The following UNC13C variants were observed in gnomAD, a reference collection of about 807,000 sequenced individuals.
UNC13C encodes the protein protein unc-13 homolog C.
UNC13C carries 174 observed loss-of-function variants against 245.4 expected under a neutral mutation model. The ratio of observed to expected loss-of-function variants is 0.71; its 90% CI spans 0.63 to 0.80. UNC13C has a LOEUF of 0.80. Ranked by LOEUF, UNC13C falls within the 30% of genes least tolerant of loss-of-function variation. The probability of loss-of-function intolerance (pLI) is 0.00; values close to 1 mark genes in which losing one functional copy is unlikely to be tolerated. For missense variants in UNC13C, 2,829 were observed against 2,602.9 expected (o/e 1.09, Z -1.89); for synonymous variants, 992 against 895.1 (o/e 1.11, Z -1.93).
intron 13 of UNC13C, among the ~76,000 whole-genome samples, chr15:54,310,951 T>C (rs570345051): frequency 6.6e-6 from 1 of 151,854 alleles, no homozygotes; most frequent in African/African-American, 2.4e-5. Flanking sequence ...TACATACTAC[T>C]ACCACCTTTA....
chr15:53,961,725 C>T, the UNC13C span, among the ~76,000 whole-genome samples: 1 of 152,202 alleles, frequency 6.6e-6, no homozygotes, highest in Non-Finnish European at 1.5e-5. Context: ...TGTAACAACA[C>T]AGACATTCCT....
At chr15:53,923,878 T>C in the UNC13C span, among the ~76,000 whole-genome samples, 1 of 152,206 alleles carries the variant, frequency 6.6e-6, no homozygotes, top group African/African-American at 2.4e-5. Context: ...AGGTTCTAAG[T>C]TGATTAATCC....
chr15:54,186,856 T>TATATATATATATATATATATATATATATA (rs1567079918), intron 4 of UNC13C, among the ~76,000 whole-genome samples: 90 of 120,064 alleles, frequency 7.5e-4, no homozygotes, highest in Non-Finnish European at 1.1e-3. Context: ...TATATATATA[T>TATATATATATATATATATATATATATATA]TTTGTTTTTT....
chr15:54,542,332 G>T (rs182266392), intron 26 of UNC13C, among the ~76,000 whole-genome samples: 1 of 152,234 alleles, frequency 6.6e-6, no homozygotes, highest in East Asian at 1.9e-4. Context: ...TTAATCCTGA[G>T]TTCTAATTTG....
intron 14 of UNC13C, among the ~76,000 whole-genome samples, chr15:54,322,540 C>T (rs1296754896): frequency 6.6e-6 from 1 of 151,958 alleles, no homozygotes; most frequent in Non-Finnish European, 1.5e-5. Context: ...GGCACATCCT[C>T]TAAGTAAAAC....
chr15:54,224,177 A>T (rs2140793030), intron 4 of UNC13C, among the ~76,000 whole-genome samples: 1 of 152,156 alleles, frequency 6.6e-6, no homozygotes, highest in Admixed American at 6.5e-5. Flanking sequence ...ACGTTGAATA[A>T]CCGTGGTGAC....
chr15:53,890,024 T>A, the UNC13C span, among the ~76,000 whole-genome samples: 3 of 152,202 alleles, frequency 2.0e-5, no homozygotes, highest in Non-Finnish European at 4.4e-5. Flanking sequence ...CTTTTTTTGT[T>A]GTGTCTCTGC....
intron 2 of UNC13C, among the ~76,000 whole-genome samples, chr15:54,067,063 T>G (rs942006271): frequency 6.6e-6 from 1 of 152,192 alleles, no homozygotes; most frequent in Non-Finnish European, 1.5e-5. Context: ...GCTGATATTT[T>G]TTAATGTAAA....
intron 2 of UNC13C, chr15:54,050,650 C>T: frequency 2.1e-6 from 1 of 472,228 alleles, no homozygotes; most frequent in Non-Finnish European, 4.2e-6. Flanking sequence ...AAGCTTTCTG[C>T]TTGAATTTGT....
At chr15:54,284,207 A>G (rs1333565746) in intron 10 of UNC13C, among the ~76,000 whole-genome samples, 1 of 152,216 alleles carries the variant, frequency 6.6e-6, no homozygotes, top group Non-Finnish European at 1.5e-5. Context: ...AAAATATCAA[A>G]TAAATATCAA....
intron 2 of UNC13C, among the ~76,000 whole-genome samples, chr15:54,116,005 A>T (rs2030216698): frequency 6.6e-6 from 1 of 152,164 alleles, no homozygotes; most frequent in African/African-American, 2.4e-5. Context: ...AATTTTTTTA[A>T]TTGAGATAAA....
intron 14 of UNC13C, among the ~76,000 whole-genome samples, chr15:54,328,209 A>G (rs59006865): frequency 0.25 from 37,542 of 152,088 alleles, 5,245 homozygotes; most frequent in Admixed American, 0.34. Context: ...CTTTCATAAT[A>G]GTATGATATT....
intron 30 of UNC13C, among the ~76,000 whole-genome samples, chr15:54,586,396 C>G (rs1490406672): frequency 1.3e-5 from 2 of 152,200 alleles, no homozygotes; most frequent in African/African-American, 4.8e-5. Context: ...GGTGAGATTG[C>G]TCTTCCTATC....
chr15:53,929,659 C>T, the UNC13C span, among the ~76,000 whole-genome samples: 1 of 152,224 alleles, frequency 6.6e-6, no homozygotes, highest in Admixed American at 6.5e-5. Flanking sequence ...AAGAGGAAAA[C>T]TTCTATGTTT....
At chr15:53,863,429 A>G in the UNC13C span, among the ~76,000 whole-genome samples, 2 of 152,218 alleles carry the variant, frequency 1.3e-5, no homozygotes, top group Non-Finnish European at 2.9e-5. Context: ...TACAAATCAA[A>G]AGTCATAAAC....
At chr15:54,476,348 A>G (rs988974858) in intron 19 of UNC13C, among the ~76,000 whole-genome samples, 2 of 146,562 alleles carry the variant, frequency 1.4e-5, no homozygotes, top group East Asian at 4.3e-4. Context: ...TTTTGTTGCC[A>G]TTGCTTTTGG....
intron 19 of UNC13C, among the ~76,000 whole-genome samples, chr15:54,449,983 C>T (rs1018237003): frequency 6.6e-6 from 1 of 152,136 alleles, no homozygotes; most frequent in East Asian, 1.9e-4. Flanking sequence ...GTTAGTTTTC[C>T]TTCTAACAGT....
chr15:54,432,587 C>T, intron 19 of UNC13C, among the ~76,000 whole-genome samples: 1 of 151,888 alleles, frequency 6.6e-6, no homozygotes, highest in Non-Finnish European at 1.5e-5. Flanking sequence ...ATCTCTGGGA[C>T]ACAGCTAAAA....
intron 27 of UNC13C, among the ~76,000 whole-genome samples, chr15:54,548,383 G>T (rs1476670105): frequency 6.6e-6 from 1 of 151,446 alleles, no homozygotes; most frequent in Non-Finnish European, 1.5e-5. Context: ...CACCATGCCC[G>T]GCTAATTTTT....
Sources: gnomAD v4.1 joint callset for allele counts (sites outside exome capture counted in the v4.1 genomes callset) on GRCh38, gnomAD v4.1.1 for gene constraint, MANE v1.5 for transcripts, NCBI Gene and HGNC (gene_info 2026-07-23, HGNC 2026-07-21) for gene names.